FYB1: variants seen among roughly 807,000 people sequenced by gnomAD.
FYB1 encodes FYN-binding protein 1.
FYB1 carries 41 observed loss-of-function variants against 94.1 expected under a neutral mutation model. That is an observed-to-expected ratio of 0.44 (90% CI 0.34 to 0.57). The LOEUF (loss-of-function observed/expected upper bound fraction) is 0.57, where lower values mean the gene tolerates loss of function less well. FYB1 is among the 20% of genes least tolerant of loss of function. FYB1 has a pLI of 0.02. For synonymous variants in FYB1, 367 were observed against 353.2 expected (o/e 1.04, Z -0.44); for missense variants, 1,050 against 976.8 (o/e 1.07, Z -1.00).
chr5:39,130,994 T>G (rs1231714936), intron 9 of FYB1, among the ~76,000 whole-genome samples: 1 of 152,172 alleles, frequency 6.6e-6, no homozygotes, highest in Non-Finnish European at 1.5e-5. Flanking sequence ...GAGCAATTAT[T>G]GTTGCATTAA....
At chr5:39,241,060 C>T (rs563911084) in intron 1 of FYB1, among the ~76,000 whole-genome samples, 1 of 152,228 alleles carries the variant, frequency 6.6e-6, no homozygotes, top group Admixed American at 6.5e-5. Flanking sequence ...AGTGAACTAA[C>T]ACAGAAACAG....
chr5:39,134,263 T>C lies in FYB1; in HGVS notation c.1762A>G (p.Ile588Val), dbSNP rs1176113194. ...TCATATACTTCTTGGTCATCTTCAATAGGTCTTGAAGGGGCACCAAGAGAG... is the reference window on the plus strand; with the variant it reads ...TCATATACTTCTTGGTCATCTTCAACAGGTCTTGAAGGGGCACCAAGAGAG... ...KDSLGAPSRPIEDDQEVYDDV... is the reference protein window; with the variant it reads ...KDSLGAPSRPVEDDQEVYDDV... Residue 588 changes from isoleucine (I) to valine (V), a missense_variant, in exon 9 of 19, where the codon ATT becomes GTT. By Grantham distance (29) the Ile-to-Val change is conservative (BLOSUM62 3). Coordinates refer to ENST00000512982, the MANE Select transcript of FYB1 (RefSeq NM_001465.6). 3 of 1,609,272 alleles carry C rather than the reference T, an allele frequency of 1.9e-6. No homozygotes were observed. In the Admixed American group the frequency reaches 5.0e-5, roughly 27 times the overall value.
intron 3 of FYB1, 46 bp from the exon 4 acceptor site, chr5:39,141,187 C>A: frequency 8.2e-7 from 1 of 1,225,062 alleles, no homozygotes; most frequent in South Asian, 1.3e-5. Context: ...CAAGTAGATG[C>A]TCACCTTACA....
At chr5:39,245,759 C>T (rs1452231317) in intron 1 of FYB1, among the ~76,000 whole-genome samples, 1 of 152,108 alleles carries the variant, frequency 6.6e-6, no homozygotes, top group East Asian at 1.9e-4. Flanking sequence ...CCACTACAAC[C>T]AGCTAGTTTT....
At chr5:39,267,881 T>C (rs934850576) in intron 1 of FYB1, among the ~76,000 whole-genome samples, 5 of 152,312 alleles carry the variant, frequency 3.3e-5, no homozygotes, top group Admixed American at 6.5e-5. Context: ...AGACAAAGTA[T>C]ATAAAAAATG....
chr5:39,108,271 G>T lies in FYB1; in HGVS notation c.2436-9C>A. On this transcript the variant is annotated splice_polypyrimidine_tract_variant and intron_variant, in intron 17 of 18. Coordinates refer to ENST00000512982, the MANE Select transcript of FYB1 (RefSeq NM_001465.6). ...CATAGATCTCTCCATCACTGTAAAT[G>T]TAAAAAAAAATTTTTATTTTAAAGA... The T allele has an allele frequency of 1.3e-6, 2 of 1,520,946 alleles. No homozygotes were observed. The highest frequency in any genetic ancestry group is 1.8e-6 in the Non-Finnish European group (2 of 1,125,534). The allele number at this position is 1,520,946 out of a possible 1,614,324, so 94.2% of individuals were successfully genotyped here. A position where few individuals can be genotyped will look rare whatever the true frequency, so the allele number is the denominator to read the frequency against.
At chr5:39,109,303 T>C (rs13159944) in intron 17 of FYB1, among the ~76,000 whole-genome samples, 12,578 of 152,022 alleles carry the variant, frequency 0.083, 585 homozygotes, top group Middle Eastern at 0.18. Context: ...TTTTCTGTCA[T>C]TTATACAATA....
chr5:39,230,527 A>G (rs761760374), intron 1 of FYB1, among the ~76,000 whole-genome samples: 1 of 152,006 alleles, frequency 6.6e-6, no homozygotes, highest in Non-Finnish European at 1.5e-5. Context: ...GTCACAGCAT[A>G]TATATATGTA....
chr5:39,120,119 G>A (rs1739951548), intron 14 of FYB1, among the ~76,000 whole-genome samples: 1 of 151,562 alleles, frequency 6.6e-6, no homozygotes, highest in Admixed American at 6.6e-5. Flanking sequence ...CTAGAGTTTT[G>A]GTTAATAAAA....
At chr5:39,137,897 A>T in intron 6 of FYB1, 177 bp from the exon 7 acceptor site, 1 of 722,792 alleles carries the variant, frequency 1.4e-6, no homozygotes, top group South Asian at 1.9e-5. Context: ...AACCAGTAGG[A>T]GGCACACTGC....
In FYB1 at chr5:39,127,740, C is replaced by T; in HGVS notation, c.1907+1G>A. Reference sequence around the variant, plus strand: ...AAAAGCAGTTCACTGATTATTCTTACCCATCATCAGCATCTTCCTCTTCAA... The same window carrying T: ...AAAAGCAGTTCACTGATTATTCTTATCCATCATCAGCATCTTCCTCTTCAA... On this transcript the variant is annotated splice_donor_variant, in intron 11 of 18. Transcript: ENST00000512982. LOFTEE classifies it high-confidence loss of function. 1 of 1,598,670 alleles carries T rather than the reference C, an allele frequency of 6.3e-7. No homozygotes were observed. The highest frequency in any genetic ancestry group is 1.1e-5 in the South Asian group (1 of 88,246).
At chr5:39,181,219 A>G (rs935111961) in intron 2 of FYB1, among the ~76,000 whole-genome samples, 3 of 152,346 alleles carry the variant, frequency 2.0e-5, no homozygotes, top group South Asian at 2.1e-4. Flanking sequence ...GCAGATCATT[A>G]TATCAGTGCT....
intron 3 of FYB1, among the ~76,000 whole-genome samples, chr5:39,148,872 A>C (rs1743004962): frequency 6.6e-6 from 1 of 152,160 alleles, no homozygotes; most frequent in African/African-American, 2.4e-5. Context: ...ACTATTAATA[A>C]CCATGTAATT....
chr5:39,218,470 C>T (rs770008327), intron 1 of FYB1, among the ~76,000 whole-genome samples: 3 of 152,198 alleles, frequency 2.0e-5, no homozygotes, highest in Non-Finnish European at 4.4e-5. Context: ...CACAACTTCA[C>T]CCTTCCGGTG....
chr5:39,230,720 C>G (rs1374013790), intron 1 of FYB1, among the ~76,000 whole-genome samples: 1 of 151,746 alleles, frequency 6.6e-6, no homozygotes, highest in Non-Finnish European at 1.5e-5. Context: ...ACCTAGACAC[C>G]CGTTCAAAGG....
Position 39,124,294 on chromosome 5 carries a change from G to A in FYB1, c.2046-16C>T. The A allele has an allele frequency of 3.2e-6, 5 of 1,541,272 alleles. No individual in the cohort carries two copies. The highest frequency in any genetic ancestry group is 4.4e-6 in the Non-Finnish European group (5 of 1,143,016). On this transcript the variant is annotated splice_polypyrimidine_tract_variant and intron_variant, in intron 12 of 18. Coordinates refer to ENST00000512982, the MANE Select transcript of FYB1 (RefSeq NM_001465.6). ...AGCAGGGAAACTACAAAGAAAGTGA[G>A]AACACAATTATAATCAGACTAACAT... is the stretch of plus-strand genomic sequence containing the variant.
At chr5:39,169,401 G>A (rs371141149) in intron 2 of FYB1, 1 of 754,026 alleles carries the variant, frequency 1.3e-6, no homozygotes. Flanking sequence ...GTACATTCCT[G>A]CCAGATTAGT....
At chr5:39,121,022 C>T (rs974617897) in intron 14 of FYB1, among the ~76,000 whole-genome samples, 2 of 151,848 alleles carry the variant, frequency 1.3e-5, no homozygotes, top group Admixed American at 6.6e-5. Context: ...AGAACACAAA[C>T]TTGCTTTAAA....
At chr5:39,118,218 T>G (rs1324133942) in intron 16 of FYB1, among the ~76,000 whole-genome samples, 1 of 152,148 alleles carries the variant, frequency 6.6e-6, no homozygotes, top group Non-Finnish European at 1.5e-5. Flanking sequence ...TCTGTCAGCT[T>G]TAATAGCTGA....
Sources: allele counts gnomAD v4.1 joint callset (sites outside exome capture counted in the v4.1 genomes callset), GRCh38; gene constraint gnomAD v4.1.1; transcripts MANE v1.5; gene names NCBI Gene and HGNC (gene_info 2026-07-23, HGNC 2026-07-21).